GALNT13: variants seen among roughly 807,000 people sequenced by gnomAD.
GALNT13 encodes the protein polypeptide N-acetylgalactosaminyltransferase 13.
In GALNT13, 28 loss-of-function variants were observed where a neutral mutation model predicts 64.2. The ratio of observed to expected loss-of-function variants is 0.44; its 90% confidence interval spans 0.32 to 0.60. The LOEUF (loss-of-function observed/expected upper bound fraction) is 0.60. Among genes scored for constraint, GALNT13 ranks in the 20% least tolerant of loss-of-function variants. The pLI is 0.05. For missense variants in GALNT13, 577 were observed against 669.8 expected (o/e 0.86, Z 1.53); for synonymous variants, 214 against 224.6 (o/e 0.95, Z 0.42).
the GALNT13 span, among the ~76,000 whole-genome samples, chr2:153,214,860 T>C: frequency 6.6e-6 from 1 of 152,146 alleles, no homozygotes; most frequent in African/African-American, 2.4e-5. Context: ...GGATGTTCTA[T>C]TGGAGAAATC....
chr2:153,231,331 C>A, the GALNT13 span, among the ~76,000 whole-genome samples: 1 of 152,172 alleles, frequency 6.6e-6, no homozygotes, highest in Admixed American at 6.5e-5. Flanking sequence ...CTTGGTTTCT[C>A]ACATTTATCC....
At chr2:154,323,446 TC>T (rs1367722482) in intron 9 of GALNT13, among the ~76,000 whole-genome samples, 2 of 152,100 alleles carry the variant, frequency 1.3e-5, no homozygotes, top group Non-Finnish European at 2.9e-5. Flanking sequence ...GTTTGCTTTA[TC>T]CCCCATTATA....
chr2:153,939,143 G>T (rs1001780185), intron 2 of GALNT13, among the ~76,000 whole-genome samples: 2 of 152,242 alleles, frequency 1.3e-5, no homozygotes, highest in East Asian at 3.9e-4. Flanking sequence ...AGTGAGTAAG[G>T]TGTGTGTGCT....
chr2:153,580,745 AC>A, the GALNT13 span, among the ~76,000 whole-genome samples: 1 of 152,212 alleles, frequency 6.6e-6, no homozygotes, highest in Non-Finnish European at 1.5e-5. Flanking sequence ...TTAAAAAGAA[AC>A]AACTATTGGC....
intron 11 of GALNT13, among the ~76,000 whole-genome samples, chr2:154,426,789 T>G (rs1574285580): frequency 6.6e-6 from 1 of 152,312 alleles, no homozygotes. Context: ...CAGTCACATT[T>G]TGTTATTATA....
intron 7 of GALNT13, among the ~76,000 whole-genome samples, chr2:154,251,653 C>A (rs577924734): frequency 6.6e-6 from 1 of 152,260 alleles, no homozygotes; most frequent in South Asian, 2.1e-4. Flanking sequence ...CATCTTCATA[C>A]CCAAACACAG....
the GALNT13 span, among the ~76,000 whole-genome samples, chr2:153,356,350 C>A: frequency 1.3e-5 from 2 of 152,176 alleles, no homozygotes; most frequent in East Asian, 3.9e-4. Context: ...GTGGTTTGAT[C>A]TTTCTGGAAA....
At chr2:153,413,185 A>G in the GALNT13 span, among the ~76,000 whole-genome samples, 1 of 152,072 alleles carries the variant, frequency 6.6e-6, no homozygotes, top group South Asian at 2.1e-4. Context: ...GGAAATATAC[A>G]TCCTGACCCT....
intron 3 of GALNT13, among the ~76,000 whole-genome samples, chr2:154,007,789 A>G (rs1279198992): frequency 6.6e-6 from 1 of 151,946 alleles, no homozygotes; most frequent in African/African-American, 2.4e-5. Flanking sequence ...CTGTTTTTAC[A>G]CCTGAATATC....
At chr2:153,600,088 T>C in the GALNT13 span, among the ~76,000 whole-genome samples, 1 of 151,944 alleles carries the variant, frequency 6.6e-6, no homozygotes, top group Non-Finnish European at 1.5e-5. Flanking sequence ...AAAAATATAT[T>C]TACCTTTCAG....
the GALNT13 span, among the ~76,000 whole-genome samples, chr2:153,386,977 C>A: frequency 6.6e-6 from 1 of 152,084 alleles, no homozygotes; most frequent in Non-Finnish European, 1.5e-5. Flanking sequence ...AATAAACCAT[C>A]CTTCTCTCCC....
chr2:153,979,740 A>G (rs1694331176), intron 3 of GALNT13, among the ~76,000 whole-genome samples: 1 of 152,198 alleles, frequency 6.6e-6, no homozygotes, highest in Non-Finnish European at 1.5e-5. Context: ...TTACAGATCT[A>G]AGGAAGCTGA....
chr2:153,374,593 T>A, the GALNT13 span, among the ~76,000 whole-genome samples: 1 of 152,126 alleles, frequency 6.6e-6, no homozygotes, highest in East Asian at 1.9e-4. Flanking sequence ...CTATTAAATA[T>A]TTAATTTTGA....
At chr2:153,322,063 AT>A in the GALNT13 span, among the ~76,000 whole-genome samples, 1 of 151,876 alleles carries the variant, frequency 6.6e-6, no homozygotes, top group East Asian at 1.9e-4. Flanking sequence ...CAGGGGATAC[AT>A]GTGAAGGTTT....
intron 4 of GALNT13, among the ~76,000 whole-genome samples, chr2:154,178,684 A>G (rs987336048): frequency 6.6e-6 from 1 of 152,030 alleles, no homozygotes; most frequent in Non-Finnish European, 1.5e-5. Flanking sequence ...TTCCAGTTCC[A>G]TTGTCCTCAT....
At chr2:154,324,354 T>C (rs1346854551) in intron 9 of GALNT13, among the ~76,000 whole-genome samples, 3 of 152,172 alleles carry the variant, frequency 2.0e-5, no homozygotes, top group Admixed American at 2.0e-4. Flanking sequence ...GGGTATAATT[T>C]TGTTTTATTA....
chr2:154,268,412 T>C (rs143269167), intron 8 of GALNT13, among the ~76,000 whole-genome samples: 1 of 152,266 alleles, frequency 6.6e-6, no homozygotes, highest in East Asian at 1.9e-4. Flanking sequence ...GAGATTGAGG[T>C]GGCAGAGGGA....
upstream of GALNT13, among the ~76,000 whole-genome samples, chr2:153,868,802 T>A (rs186399878): frequency 1.3e-5 from 2 of 152,206 alleles, no homozygotes; most frequent in African/African-American, 4.8e-5. Context: ...TTGTACAGTA[T>A]TGGTCTTACC....
intron 3 of GALNT13, among the ~76,000 whole-genome samples, chr2:153,947,873 G>A (rs1691883058): frequency 6.6e-6 from 1 of 151,956 alleles, no homozygotes. Flanking sequence ...TATAAGGAAG[G>A]GGTCCAGTTT....
Sources: gnomAD v4.1 joint callset for allele counts (sites outside exome capture counted in the v4.1 genomes callset) on GRCh38, gnomAD v4.1.1 for gene constraint, MANE v1.5 for transcripts, NCBI Gene and HGNC (gene_info 2026-07-23, HGNC 2026-07-21) for gene names.